TAB2: variants seen among roughly 807,000 people sequenced by gnomAD.
TAB2 encodes the protein TGF-beta-activated kinase 1 and MAP3K7-binding protein 2.
Under a neutral mutation model 65.0 loss-of-function variants are expected in TAB2, and 3 were observed. The observed-to-expected ratio is 0.05, with a 90% CI of 0.02 to 0.12. The LOEUF (loss-of-function observed/expected upper bound fraction) is 0.12. Ranked by LOEUF, TAB2 falls within the 10% of genes least tolerant of loss-of-function variation. TAB2 has a pLI of 1.00. For synonymous variants in TAB2, 298 were observed against 285.1 expected (o/e 1.05, Z -0.46); for missense variants, 623 against 840.3 (o/e 0.74, Z 3.20).
chr6:149,313,474 C>G (rs564502699), upstream of TAB2, among the ~76,000 whole-genome samples: 3 of 152,320 alleles, frequency 2.0e-5, no homozygotes, highest in South Asian at 4.1e-4. Flanking sequence ...CACCCTTCCT[C>G]TCCTTTGGCA....
chr6:149,364,726 G>C (rs561831892), intron 1 of TAB2, among the ~76,000 whole-genome samples: 9 of 148,724 alleles, frequency 6.1e-5, no homozygotes, highest in East Asian at 5.9e-4. Flanking sequence ...TAAATGCCCA[G>C]ATTTTCATAA....
intron 1 of TAB2, among the ~76,000 whole-genome samples, chr6:149,301,934 A>G (rs1393517193): frequency 6.6e-6 from 1 of 152,212 alleles, no homozygotes; most frequent in African/African-American, 2.4e-5. Flanking sequence ...TTAATACAAA[A>G]CTATATATAC....
intron 3 of TAB2, among the ~76,000 whole-genome samples, chr6:149,391,076 C>G (rs1781967903): frequency 6.6e-6 from 1 of 152,100 alleles, no homozygotes; most frequent in South Asian, 2.1e-4. Context: ...CCTAATGAGA[C>G]TTGGGAGGTA....
chr6:149,314,125 AG>A (rs1302878978), upstream of TAB2, among the ~76,000 whole-genome samples: 1 of 152,206 alleles, frequency 6.6e-6, no homozygotes, highest in Non-Finnish European at 1.5e-5. Flanking sequence ...TCATTACTTA[AG>A]CCATTACAGA....
chr6:149,340,175 TC>T (rs772069549), intron 1 of TAB2, among the ~76,000 whole-genome samples: 2 of 152,198 alleles, frequency 1.3e-5, no homozygotes, highest in African/African-American at 2.4e-5. Context: ...AAGGAGATTC[TC>T]CTTAGATTAT....
chr6:149,284,357 G>A (rs905259828), intron 1 of TAB2, among the ~76,000 whole-genome samples: 12 of 152,124 alleles, frequency 7.9e-5, no homozygotes, highest in African/African-American at 2.9e-4. Context: ...CCCAAGGTAG[G>A]CAAGGTGCTT....
intron 1 of TAB2, among the ~76,000 whole-genome samples, chr6:149,355,911 ACCT>A (rs1011830619): frequency 2.1e-4 from 32 of 151,786 alleles, no homozygotes; most frequent in Admixed American, 2.0e-3. Flanking sequence ...AAATAAAGAA[ACCT>A]CCTTAACTTT....
At chr6:149,309,686 C>T (rs1326516675) in intron 1 of TAB2, among the ~76,000 whole-genome samples, 1 of 149,960 alleles carries the variant, frequency 6.7e-6, no homozygotes, top group Non-Finnish European at 1.5e-5. Context: ...CGTGAGCCAC[C>T]ACGCCTGCCC....
At chr6:149,385,543 C>CAATTAAGATTAGTTGA (rs1781763893) in intron 3 of TAB2, among the ~76,000 whole-genome samples, 1 of 152,182 alleles carries the variant, frequency 6.6e-6, no homozygotes, top group Non-Finnish European at 1.5e-5. Context: ...TGACATTGGA[C>CAATTAAGATTAGTTGA]CACTTACAGA....
intron 1 of TAB2, among the ~76,000 whole-genome samples, chr6:149,337,892 G>A (rs562574725): frequency 3.3e-5 from 5 of 152,236 alleles, no homozygotes; most frequent in Admixed American, 1.3e-4. Context: ...AAAATTGCAG[G>A]AGATATTGGA....
chr6:149,377,957 A>G lies in TAB2; in HGVS notation c.103-61A>G, dbSNP rs972643803. The G allele has an allele frequency of 6.4e-6, 8 of 1,244,664 alleles. No homozygotes were observed. In the African/African-American group the frequency reaches 1.0e-4, roughly 16 times the overall value. The allele number at this position is 1,244,664 out of a possible 1,614,324, so 77.1% of individuals were successfully genotyped here. A position where few individuals can be genotyped will look rare whatever the true frequency, so the allele number is the denominator to read the frequency against. On this transcript the variant is annotated intron_variant, in intron 2 of 6. Coordinates refer to ENST00000637181, the MANE Select transcript of TAB2 (RefSeq NM_001292034.3). ...ACTTGGTAATCATGTATTTGTAGAG[A>G]TGCAAATATAAGCATTCGCTTCTGA... is the stretch of plus-strand genomic sequence containing the variant.
upstream of TAB2, among the ~76,000 whole-genome samples, chr6:149,316,628 C>CTT (rs35459538): frequency 3.4e-4 from 52 of 150,874 alleles, no homozygotes; most frequent in East Asian, 3.3e-3. Context: ...ATTAAACACG[C>CTT]TTTTTTTTTC....
At chr6:149,396,840 G>T (rs547978540) in intron 3 of TAB2, among the ~76,000 whole-genome samples, 2 of 152,324 alleles carry the variant, frequency 1.3e-5, no homozygotes, top group Admixed American at 6.5e-5. Flanking sequence ...CAATCTGCCT[G>T]TTTTATTTGT....
chr6:149,237,300 C>T (rs1478794402), intron 1 of TAB2, among the ~76,000 whole-genome samples: 1 of 152,166 alleles, frequency 6.6e-6, no homozygotes, highest in Admixed American at 6.5e-5. Context: ...AATGTACAAT[C>T]CCACCTCTTG....
chr6:149,382,035 T>C (rs1447457326), intron 3 of TAB2, among the ~76,000 whole-genome samples: 1 of 152,166 alleles, frequency 6.6e-6, no homozygotes, highest in Non-Finnish European at 1.5e-5. Flanking sequence ...TCAGATCATA[T>C]CACTTCTCTG....
At chr6:149,321,378 C>G (rs1464315681) in intron 1 of TAB2, 1 of 152,130 alleles carries the variant, frequency 6.6e-6, no homozygotes, top group African/African-American at 2.4e-5. Context: ...ACTCAGAAAG[C>G]TAAAAAACCT....
intron 6 of TAB2, among the ~76,000 whole-genome samples, chr6:149,403,247 A>T (rs11754933): frequency 0.19 from 7,949 of 42,940 alleles, 603 homozygotes; most frequent in Middle Eastern, 0.2. Context: ...AAAAAAAAAA[A>T]ATATATATAT....
At chr6:149,398,168 C>G in intron 5 of TAB2, 106 bp downstream of exon 5, 3 of 981,094 alleles carry the variant, frequency 3.1e-6, no homozygotes, top group Non-Finnish European at 4.7e-6. Context: ...TGTCTCAGAA[C>G]ATGTGGCTTT....
intron 1 of TAB2, among the ~76,000 whole-genome samples, chr6:149,287,495 A>AAAAAAC (rs1778698874): frequency 7.3e-6 from 1 of 137,718 alleles, no homozygotes; most frequent in African/African-American, 2.8e-5. Flanking sequence ...TTTTTTTTTA[A>AAAAAAC]AAAGAAAGTA....
Sources: gnomAD v4.1 joint callset for allele counts (sites outside exome capture counted in the v4.1 genomes callset) on GRCh38, gnomAD v4.1.1 for gene constraint, MANE v1.5 for transcripts, NCBI Gene and HGNC (gene_info 2026-07-23, HGNC 2026-07-21) for gene names.